Variants in CNTNAP5 observed in about 807,000 individuals in gnomAD.
CNTNAP5 encodes the protein contactin associated protein family member 5, also known as contactin-associated protein-like 5.
CNTNAP5 carries 72 observed loss-of-function variants against 150.2 expected under a neutral mutation model. The ratio of observed to expected loss-of-function variants is 0.48; its 90% CI spans 0.40 to 0.58. The LOEUF (loss-of-function observed/expected upper bound fraction) is 0.58. CNTNAP5 is among the 20% of genes least tolerant of loss of function. CNTNAP5 has a pLI of 0.00. For synonymous variants in CNTNAP5, 672 were observed against 619.8 expected (o/e 1.08, Z -1.25); for missense variants, 1,636 against 1,626.2 (o/e 1.01, Z -0.10).
chr2:124,449,212 T>C (rs1245001309), intron 6 of CNTNAP5, among the ~76,000 whole-genome samples: 1 of 152,228 alleles, frequency 6.6e-6, no homozygotes, highest in Non-Finnish European at 1.5e-5. Context: ...CAGGTGGATA[T>C]TTTTGAGTTG....
chr2:124,569,526 G>C (rs1696103709), intron 11 of CNTNAP5, among the ~76,000 whole-genome samples: 1 of 152,140 alleles, frequency 6.6e-6, no homozygotes, highest in Non-Finnish European at 1.5e-5. Context: ...ATTAAACTGT[G>C]AATTTAGTGA....
At chr2:124,593,326 C>A (rs1247198204) in intron 11 of CNTNAP5, among the ~76,000 whole-genome samples, 1 of 124,316 alleles carries the variant, frequency 8.0e-6, no homozygotes, top group Non-Finnish European at 1.7e-5. Context: ...TGATATTCCC[C>A]TTCCTGTGTC....
chr2:124,194,267 T>A lies in CNTNAP5; in HGVS notation c.83-27438T>A, dbSNP rs137879022. Among the ~76,000 whole-genome samples the A allele has an allele frequency of 5.2e-3, 794 of 151,416 alleles. 5 individuals are homozygous for A. The highest frequency in any genetic ancestry group is 0.019 in the African/African-American group (762 of 41,178). On this transcript the variant is annotated intron_variant, in intron 1 of 23. Transcript: ENST00000682447. ...CCAAATGACTTGGCTATATCTCATATCCAGAAAGGCCAGCTATGGAGGACC... is the reference window on the plus strand; with the variant it reads ...CCAAATGACTTGGCTATATCTCATAACCAGAAAGGCCAGCTATGGAGGACC...
In CNTNAP5 at chr2:124,213,255, A is replaced by G. The variant is rs570688522; in HGVS notation, c.83-8450A>G. Among the ~76,000 whole-genome samples the G allele has an allele frequency of 7.9e-5, 12 of 152,328 alleles. No homozygotes were observed. The South Asian group carries it at 2.5e-3, about 32-fold the overall frequency. ...AACATATTAAAAATGGGGTTTTTAA[A>G]AAGATGGCTTAATGGGACTAGAGCT... On this transcript the variant is annotated intron_variant, in intron 1 of 23. Transcript: ENST00000682447.
At chr2:124,486,847 T>C (rs75203848) in intron 7 of CNTNAP5, among the ~76,000 whole-genome samples, 3,754 of 152,300 alleles carry the variant, frequency 0.025, 98 homozygotes, top group African/African-American at 0.063. Flanking sequence ...TACATTAAAA[T>C]GCATTTCTCA....
chr2:124,337,299 A>C (rs1689497179), intron 3 of CNTNAP5, among the ~76,000 whole-genome samples: 1 of 152,114 alleles, frequency 6.6e-6, no homozygotes, highest in Admixed American at 6.5e-5. Context: ...TAGATTGCAA[A>C]AATTTTCTCC....
chr2:124,229,067 T>A (rs1315173680), intron 2 of CNTNAP5, among the ~76,000 whole-genome samples: 1 of 152,172 alleles, frequency 6.6e-6, no homozygotes, highest in African/African-American at 2.4e-5. Context: ...CCCCTACGTG[T>A]GCTCAGAACT....
intron 16 of CNTNAP5, among the ~76,000 whole-genome samples, chr2:124,768,401 T>A (rs1002710889): frequency 1.3e-5 from 2 of 151,062 alleles, no homozygotes; most frequent in Middle Eastern, 3.4e-3. Flanking sequence ...AGTATCATAC[T>A]GAGAATATTA....
chr2:124,182,695 C>T (rs1685238559), intron 1 of CNTNAP5, among the ~76,000 whole-genome samples: 2 of 152,080 alleles, frequency 1.3e-5, no homozygotes, highest in South Asian at 2.1e-4. Flanking sequence ...TTACAAGTTC[C>T]AAGCATTTGT....
chr2:124,081,847 C>T (rs997300492), intron 1 of CNTNAP5, among the ~76,000 whole-genome samples: 2 of 152,146 alleles, frequency 1.3e-5, no homozygotes, highest in Admixed American at 6.5e-5. Flanking sequence ...ACCAGTTTCT[C>T]CCAGTGTCAA....
chr2:124,906,587 T>C (rs1678542582), intron 22 of CNTNAP5, among the ~76,000 whole-genome samples: 1 of 152,130 alleles, frequency 6.6e-6, no homozygotes, highest in African/African-American at 2.4e-5. Context: ...GTCTAGGAGA[T>C]TTTAATATCT....
chr2:124,851,463 G>GAA (rs1683154741), intron 19 of CNTNAP5, among the ~76,000 whole-genome samples: 2 of 152,222 alleles, frequency 1.3e-5, no homozygotes, highest in African/African-American at 2.4e-5. Context: ...AAGGAATGGG[G>GAA]TGTTGCCTCA....
intron 7 of CNTNAP5, among the ~76,000 whole-genome samples, chr2:124,492,611 A>ACTGCC (rs1694056480): frequency 6.6e-6 from 1 of 152,178 alleles, no homozygotes; most frequent in East Asian, 1.9e-4. Context: ...ACTTCTATGA[A>ACTGCC]GACTGCCATT....
Position 124,300,827 on chromosome 2 carries a change from C to T in CNTNAP5, c.381+58434C>T, listed in dbSNP as rs117268219. On this transcript the variant is annotated intron_variant, in intron 3 of 23. Coordinates refer to ENST00000682447, the MANE Select transcript of CNTNAP5 (RefSeq NM_001367498.1). ...TCTCCAGATGATTAAACAAAGGTAA[C>T]CAGAGGGCCAAAGGGCATGACTCTG... is the stretch of plus-strand genomic sequence containing the variant. Among the ~76,000 whole-genome samples the T allele has an allele frequency of 2.2e-4, 34 of 152,244 alleles. No homozygotes were observed. The East Asian group carries it at 6.6e-3, about 29-fold the overall frequency.
rs1219070759 is a variant in CNTNAP5 at position 124,790,128 on chromosome 2, C to T, written c.2979C>T (p.Pro993=). The part of the protein sequence containing the change: ...CDCTNSPYEG[P]FCKKEVSAVF... ...GCACCAATTCACCTTATGAAGGGCC[C>T]TTTTGCAAAAAAGGTACCTTAGGCG... The change falls in exon 18 of 24, where the codon CCC becomes CCT. Residue 993 remains proline, a synonymous_variant. Transcript: ENST00000682447. The T allele has an allele frequency of 1.2e-6, 2 of 1,609,544 alleles. No homozygotes were observed. Among genetic ancestry groups the T allele is most frequent in the African/African-American group, 1.3e-5 (1 of 74,550 alleles).
intron 1 of CNTNAP5, among the ~76,000 whole-genome samples, chr2:124,216,420 G>T (rs1686157422): frequency 6.6e-6 from 1 of 151,818 alleles, no homozygotes; most frequent in Admixed American, 6.6e-5. Context: ...TTAAGTTTCA[G>T]GGTACATGTG....
In CNTNAP5 at chr2:124,211,523, A is replaced by C. The variant is rs373860408; in HGVS notation, c.83-10182A>C. ...TACTACAGTCTCCAACACACACACA[A>C]ACACACACACACACACACACATAAG... On this transcript the variant is annotated intron_variant, in intron 1 of 23. Transcript: ENST00000682447. Among the ~76,000 whole-genome samples, 798 of 149,876 alleles carry C rather than the reference A, an allele frequency of 5.3e-3. 7 individuals are homozygous for C. The highest frequency in any genetic ancestry group is 4.6e-3 in the Non-Finnish European group (308 of 67,242).
intron 3 of CNTNAP5, among the ~76,000 whole-genome samples, chr2:124,274,856 C>G (rs1252881325): frequency 2.0e-5 from 3 of 152,154 alleles, no homozygotes; most frequent in African/African-American, 4.8e-5. Context: ...CCCAGGCCAT[C>G]TGACTTCTTT....
chr2:124,421,579 C>T (rs556040389), intron 4 of CNTNAP5, among the ~76,000 whole-genome samples: 28 of 152,182 alleles, frequency 1.8e-4, no homozygotes, highest in Non-Finnish European at 3.7e-4. Context: ...TAAGTAGCCT[C>T]CTGTCTGGAG....
Sources: allele counts gnomAD v4.1 joint callset (sites outside exome capture counted in the v4.1 genomes callset), GRCh38; gene constraint gnomAD v4.1.1; transcripts MANE v1.5; gene names NCBI Gene and HGNC (gene_info 2026-07-23, HGNC 2026-07-21).